Variants in EIF3H observed in about 807,000 individuals in gnomAD.
The protein encoded by EIF3H is eIF-3-gamma.
A neutral mutation model predicts 44.2 loss-of-function variants in EIF3H; 26 were observed. The observed-to-expected ratio is 0.59, with a 90% confidence interval of 0.43 to 0.82. The LOEUF is 0.82. Among genes scored for constraint, EIF3H ranks in the 40% least tolerant of loss-of-function variants. EIF3H has a pLI of 0.00. For missense variants in EIF3H, 359 were observed against 432.8 expected (o/e 0.83, Z 1.51); for synonymous variants, 166 against 151.9 (o/e 1.09, Z -0.68).
intron 2 of EIF3H, among the ~76,000 whole-genome samples, chr8:116,704,622 G>A (rs542157904): frequency 3.9e-4 from 59 of 152,228 alleles, no homozygotes; most frequent in African/African-American, 1.1e-3. Flanking sequence ...AAGGTTAATC[G>A]ACAAACAGGA....
chr8:116,689,611 C>T (rs554316771), intron 2 of EIF3H, among the ~76,000 whole-genome samples: 1 of 152,186 alleles, frequency 6.6e-6, no homozygotes, highest in South Asian at 2.1e-4. Context: ...TTTCATCTAA[C>T]AATTAATTAC....
intron 2 of EIF3H, among the ~76,000 whole-genome samples, chr8:116,662,913 C>T (rs1182321078): frequency 6.6e-6 from 1 of 152,148 alleles, no homozygotes; most frequent in Non-Finnish European, 1.5e-5. Context: ...TGGATGAACA[C>T]CCTTGCTTTT....
chr8:116,673,724 A>C (rs1040026318), intron 2 of EIF3H, among the ~76,000 whole-genome samples: 1 of 152,196 alleles, frequency 6.6e-6, no homozygotes, highest in Non-Finnish European at 1.5e-5. Flanking sequence ...AGTATGGAAA[A>C]GCAGGGTCAG....
At chr8:116,664,081 T>A (rs949879202) in intron 2 of EIF3H, among the ~76,000 whole-genome samples, 2 of 152,242 alleles carry the variant, frequency 1.3e-5, no homozygotes, top group African/African-American at 4.8e-5. Context: ...CTCTTCAACT[T>A]CTGCAATTGT....
chr8:116,695,108 G>A (rs562669901), intron 2 of EIF3H, among the ~76,000 whole-genome samples: 15 of 135,316 alleles, frequency 1.1e-4, no homozygotes, highest in African/African-American at 3.7e-4. Flanking sequence ...TCACCCTGTC[G>A]CCCAGGCTGG....
upstream of EIF3H, among the ~76,000 whole-genome samples, chr8:116,757,723 A>AT (rs749047527): frequency 0.033 from 4,804 of 144,140 alleles, 94 homozygotes; most frequent in South Asian, 0.073. Context: ...AGTTATGTTA[A>AT]TTTTTTTTTT....
At chr8:116,747,570 C>A (rs1321271540) in intron 1 of EIF3H, among the ~76,000 whole-genome samples, 1 of 152,076 alleles carries the variant, frequency 6.6e-6, no homozygotes, top group Admixed American at 6.6e-5. Context: ...TACGTATGCA[C>A]CACTCAAGTC....
At chr8:116,673,219 T>C (rs1250036109) in intron 2 of EIF3H, among the ~76,000 whole-genome samples, 6 of 152,248 alleles carry the variant, frequency 3.9e-5, no homozygotes, top group East Asian at 1.9e-4. Flanking sequence ...CAGCAAGCAT[T>C]TGGTCACTGC....
intron 1 of EIF3H, among the ~76,000 whole-genome samples, chr8:116,752,709 A>AAAGG (rs1282465925): frequency 1.4e-5 from 2 of 138,582 alleles, no homozygotes; most frequent in African/African-American, 5.3e-5. Flanking sequence ...AGAAAGAAAG[A>AAAGG]AAGAAAGAAA....
intron 2 of EIF3H, among the ~76,000 whole-genome samples, chr8:116,665,596 A>G (rs569718510): frequency 6.6e-6 from 1 of 152,352 alleles, no homozygotes; most frequent in East Asian, 1.9e-4. Context: ...ATTTCAACAA[A>G]TACGACAGGG....
At chr8:116,752,735 G>GAA (rs1815372285) in intron 1 of EIF3H, among the ~76,000 whole-genome samples, 2 of 70,786 alleles carry the variant, frequency 2.8e-5, no homozygotes, top group African/African-American at 5.5e-5. Flanking sequence ...AAAGAAAGAA[G>GAA]AGAAAGAAAG....
intron 2 of EIF3H, among the ~76,000 whole-genome samples, chr8:116,691,755 A>G (rs1380092414): frequency 6.6e-6 from 1 of 151,728 alleles, no homozygotes; most frequent in East Asian, 1.9e-4. Context: ...CACGCTTGTA[A>G]TTCCAGCTAC....
intron 2 of EIF3H, among the ~76,000 whole-genome samples, chr8:116,675,742 A>G (rs1813837850): frequency 6.6e-6 from 1 of 152,246 alleles, no homozygotes; most frequent in Non-Finnish European, 1.5e-5. Flanking sequence ...AATGCAACAA[A>G]TATGTAATTG....
At position 116,672,715 on chromosome 8, in the gene EIF3H, G is replaced by T. The variant is rs149566562; in HGVS notation, c.290-13735C>A. Among the ~76,000 whole-genome samples the T allele has an allele frequency of 5.3e-3, 806 of 152,106 alleles. 4 individuals carry two copies. Among genetic ancestry groups the T allele is most frequent in the Non-Finnish European group, 8.9e-3 (602 of 67,996 alleles). ...AATACCAACAAGAATCACAATTTAA[G>T]AAATGACAAGATTTCTAGTCTAAAG... On this transcript the variant is annotated intron_variant, in intron 2 of 7. Transcript: ENST00000521861.
chr8:116,680,455 G>C (rs1813963000), intron 2 of EIF3H, among the ~76,000 whole-genome samples: 1 of 72,172 alleles, frequency 1.4e-5, no homozygotes. Context: ...AGTAGACATG[G>C]GAGACTTTTC....
intron 2 of EIF3H, among the ~76,000 whole-genome samples, chr8:116,717,513 A>G (rs932671389): frequency 4.6e-5 from 7 of 152,224 alleles, no homozygotes; most frequent in Non-Finnish European, 1.0e-4. Flanking sequence ...GTGAGGCCAT[A>G]GTCACCAAAA....
intron 2 of EIF3H, among the ~76,000 whole-genome samples, chr8:116,693,825 G>A (rs1422078063): frequency 1.3e-5 from 2 of 152,056 alleles, no homozygotes; most frequent in African/African-American, 4.8e-5. Flanking sequence ...CTACAGGAGT[G>A]CACCACCACG....
chr8:116,666,922 GAA>G (rs535062712), intron 2 of EIF3H, among the ~76,000 whole-genome samples: 1 of 152,110 alleles, frequency 6.6e-6, no homozygotes, highest in African/African-American at 2.4e-5. Context: ...TAACATACTT[GAA>G]AAAAGTCACA....
At chr8:116,740,119 C>T (rs1250894700) in intron 1 of EIF3H, among the ~76,000 whole-genome samples, 1 of 152,214 alleles carries the variant, frequency 6.6e-6, no homozygotes, top group Non-Finnish European at 1.5e-5. Flanking sequence ...TGTTCCCAAA[C>T]CATACCTCAT....
Sources: allele counts gnomAD v4.1 joint callset (sites outside exome capture counted in the v4.1 genomes callset), GRCh38; gene constraint gnomAD v4.1.1; transcripts MANE v1.5; gene names NCBI Gene and HGNC (gene_info 2026-07-23, HGNC 2026-07-21).